Variants in PTPN13 observed in about 807,000 individuals in gnomAD.
PTPN13 encodes protein tyrosine phosphatase non-receptor type 13.
In PTPN13, 191 loss-of-function variants were observed where a neutral mutation model predicts 284.0. The ratio of observed to expected loss-of-function variants is 0.67; its 90% CI spans 0.60 to 0.76. The LOEUF (loss-of-function observed/expected upper bound fraction) is 0.76. Among genes scored for constraint, PTPN13 ranks in the 30% least tolerant of loss-of-function variants. The pLI is 0.00. For missense variants in PTPN13, 2,797 were observed against 2,939.9 expected, an observed-to-expected ratio of 0.95 and a Z score of 1.12; for synonymous variants, 986 against 1,022.3, an observed-to-expected ratio of 0.96 and a Z score of 0.68.
At chr4:86,800,732 A>G (rs567099874) in intron 42 of PTPN13, among the ~76,000 whole-genome samples, 11 of 151,668 alleles carry the variant, frequency 7.3e-5, no homozygotes, top group South Asian at 6.3e-4. Flanking sequence ...GGAAGGAAGG[A>G]AGGGAGGGAG....
chr4:86,703,328 C>T (rs915960532), intron 7 of PTPN13, among the ~76,000 whole-genome samples: 1 of 151,772 alleles, frequency 6.6e-6, no homozygotes, highest in African/African-American at 2.4e-5. Flanking sequence ...AAAGAAAAGT[C>T]TCCTTTTTTA....
At chr4:86,729,906 TGGA>T (rs933545639) in intron 10 of PTPN13, among the ~76,000 whole-genome samples, 2 of 149,828 alleles carry the variant, frequency 1.3e-5, no homozygotes, top group African/African-American at 4.9e-5. Flanking sequence ...TGCAGTCCTT[TGGA>T]GGAGAAGAAG....
In PTPN13 at chr4:86,764,719, G is replaced by T. The variant is rs1472959004; in HGVS notation, c.4144G>T (p.Val1382Phe). 9 of 1,603,790 alleles carry T rather than the reference G, an allele frequency of 5.6e-6. No individual in the cohort carries two copies. The highest frequency in any genetic ancestry group is 7.6e-6 in the Non-Finnish European group (9 of 1,177,550). Residue 1382 changes from valine to phenylalanine, a missense_variant, in exon 25 of 48, where the codon GTC becomes TTC. Coordinates refer to ENST00000411767, the MANE Select transcript of PTPN13 (RefSeq NM_080683.3). ...AAATGATAACAGCTTGGGGATAAGT[G>T]TCACGGTACTGTTTGACAAGGTTTT... ...AKNDNSLGIS[V>F]TGGVNTSVRH... is the part of the protein sequence containing the mutation.
At chr4:86,732,820 ACTTC>A (rs1735094854) in intron 12 of PTPN13, 54 bp downstream of exon 12, 1 of 1,484,214 alleles carries the variant, frequency 6.7e-7, no homozygotes, top group African/African-American at 1.4e-5. Context: ...CAACAAGCAG[ACTTC>A]CTATGTTTGT....
intron 35 of PTPN13, among the ~76,000 whole-genome samples, chr4:86,779,638 C>G (rs1741065318): frequency 1.3e-5 from 2 of 152,186 alleles, no homozygotes; most frequent in South Asian, 4.1e-4. Context: ...AAAAAGAGGT[C>G]AGGACCTTGC....
intron 2 of PTPN13, among the ~76,000 whole-genome samples, chr4:86,665,382 CTA>C (rs1218246656): frequency 6.6e-6 from 1 of 152,116 alleles, no homozygotes; most frequent in African/African-American, 2.4e-5. Context: ...ATAAAAATTT[CTA>C]AAACTATATG....
At chr4:86,649,651 C>T (rs904502312) in intron 2 of PTPN13, among the ~76,000 whole-genome samples, 2 of 152,212 alleles carry the variant, frequency 1.3e-5, no homozygotes, top group Middle Eastern at 3.4e-3. Context: ...AATTTGAAGT[C>T]AGGTAATGTG....
At chr4:86,611,800 T>C (rs1207676153) in intron 1 of PTPN13, among the ~76,000 whole-genome samples, 2 of 151,946 alleles carry the variant, frequency 1.3e-5, no homozygotes, top group Admixed American at 6.6e-5. Context: ...AAGTGAGAAC[T>C]GCAGAGAAAA....
chr4:86,775,605 C>G lies in PTPN13; in HGVS notation c.5844C>G (p.Asn1948Lys). The G allele has an allele frequency of 6.2e-7, 1 of 1,613,308 alleles. No homozygotes were observed. The highest frequency in any genetic ancestry group is 8.5e-7 in the Non-Finnish European group (1 of 1,179,622). ...STQGMTLEEV[N>K]RALDMSLPSL... ...AAGGAATGACCTTGGAGGAAGTTAA[C>G]AGAGCATTAGACATGTCACTTCCTT... Residue 1948 changes from asparagine to lysine, a missense_variant, in exon 35 of 48, where the codon AAC becomes AAG. Coordinates refer to ENST00000411767, the MANE Select transcript of PTPN13 (RefSeq NM_080683.3).
Position 86,694,011 on chromosome 4 carries a change from T to TATAC in PTPN13, c.634+339_634+340insACAT, listed in dbSNP as rs1430767433. 3.9e-5 allele frequency among the ~76,000 whole-genome samples: 6 copies of TATAC among 152,110 alleles called. No homozygotes were observed. The East Asian group carries it at 1.2e-3, about 29-fold the overall frequency. On this transcript the variant is annotated intron_variant, in intron 6 of 47. Transcript: ENST00000411767. Reference sequence around the variant, plus strand: ...AAGCATGACTAAATAAACACATGTATATGTTTATGAACATAAACACTACTG... The same window carrying TATAC: ...AAGCATGACTAAATAAACACATGTATATACATGTTTATGAACATAAACACTACTG...
chr4:86,773,519 C>A (rs1037992283), intron 32 of PTPN13, among the ~76,000 whole-genome samples: 8 of 152,094 alleles, frequency 5.3e-5, no homozygotes, highest in Middle Eastern at 3.4e-3. Context: ...AACAAAATTT[C>A]CAAGTATAAT....
intron 17 of PTPN13, among the ~76,000 whole-genome samples, chr4:86,746,173 A>G (rs1050755335): frequency 6.6e-6 from 1 of 152,118 alleles, no homozygotes; most frequent in African/African-American, 2.4e-5. Flanking sequence ...AGCAGAAGAA[A>G]CTCATCTGAC....
chr4:86,652,452 A>C (rs556887072), intron 2 of PTPN13, among the ~76,000 whole-genome samples: 3 of 152,282 alleles, frequency 2.0e-5, no homozygotes, highest in Admixed American at 2.0e-4. Context: ...ATCTAGTGCT[A>C]CAAAATCCAT....
chr4:86,671,139 G>A (rs571734504), intron 2 of PTPN13, among the ~76,000 whole-genome samples: 1 of 152,260 alleles, frequency 6.6e-6, no homozygotes, highest in African/African-American at 2.4e-5. Flanking sequence ...GACCTTCAAA[G>A]GAGGAATGAC....
intron 2 of PTPN13, among the ~76,000 whole-genome samples, chr4:86,664,241 AG>A (rs2148862565): frequency 6.6e-6 from 1 of 152,356 alleles, no homozygotes; most frequent in East Asian, 1.9e-4. Flanking sequence ...TATTCAAATA[AG>A]CCAAGCTGAC....
intron 1 of PTPN13, among the ~76,000 whole-genome samples, chr4:86,625,711 G>C (rs1289024989): frequency 1.3e-5 from 2 of 152,070 alleles, no homozygotes; most frequent in Non-Finnish European, 2.9e-5. Context: ...CCTGGTCGTT[G>C]GCTGGGATAC....
intron 2 of PTPN13, among the ~76,000 whole-genome samples, chr4:86,671,678 A>G (rs779519531): frequency 5.9e-5 from 9 of 152,208 alleles, no homozygotes; most frequent in Non-Finnish European, 1.3e-4. Flanking sequence ...TGGTAGTACA[A>G]AACAAGCTGC....
chr4:86,813,444 T>G (rs1020033250), intron 47 of PTPN13, among the ~76,000 whole-genome samples: 3 of 152,164 alleles, frequency 2.0e-5, no homozygotes, highest in South Asian at 4.1e-4. Flanking sequence ...TTTTTTGGTT[T>G]GTTTGTTTGT....
intron 3 of PTPN13, among the ~76,000 whole-genome samples, chr4:86,678,695 T>A (rs1285188148): frequency 2.0e-5 from 3 of 152,206 alleles, no homozygotes; most frequent in African/African-American, 7.2e-5. Flanking sequence ...ATTTCCCCAA[T>A]TTCCAAGGAA....
Sources: gnomAD v4.1 joint callset for allele counts (sites outside exome capture counted in the v4.1 genomes callset) on GRCh38, gnomAD v4.1.1 for gene constraint, MANE v1.5 for transcripts, NCBI Gene and HGNC (gene_info 2026-07-23, HGNC 2026-07-21) for gene names.